Variants in CASP8 observed in about 807,000 individuals in gnomAD.
CASP8 encodes caspase 8.
Under a neutral mutation model 46.3 loss-of-function variants are expected in CASP8, and 24 were observed. The ratio of observed to expected loss-of-function variants is 0.52; its 90% CI spans 0.38 to 0.73. CASP8 has a LOEUF of 0.73. Ranked by LOEUF, CASP8 falls within the 30% of genes least tolerant of loss-of-function variation. CASP8 has a pLI of 0.00. For synonymous variants in CASP8, 188 were observed against 200.4 expected (o/e 0.94, Z 0.52); for missense variants, 460 against 559.0 (o/e 0.82, Z 1.79).
At chr2:201,237,152 A>T (rs1946088479) in intron 2 of CASP8, among the ~76,000 whole-genome samples, 1 of 134,698 alleles carries the variant, frequency 7.4e-6, no homozygotes, top group Non-Finnish European at 1.5e-5. Context: ...GTGCAGTGGC[A>T]CGTTCTTGGC....
At chr2:201,273,926 G>T (rs2125278834) in intron 5 of CASP8, among the ~76,000 whole-genome samples, 1 of 151,222 alleles carries the variant, frequency 6.6e-6, no homozygotes, top group East Asian at 2.0e-4. Context: ...CCACCTACCT[G>T]GGCCTCCCAA....
At chr2:201,241,851 T>A (rs1946312328) in intron 2 of CASP8, 1 of 152,176 alleles carries the variant, frequency 6.6e-6, no homozygotes, top group South Asian at 2.1e-4. Context: ...TGATCGTACA[T>A]CCTGACTGAG....
intron 1 of CASP8, chr2:201,261,860 C>T (rs916137289): frequency 1.3e-5 from 2 of 152,082 alleles, no homozygotes; most frequent in Admixed American, 6.5e-5. Context: ...TAGAATATTA[C>T]TGGAATGATT....
intron 1 of CASP8, 45 bp downstream of exon 1, chr2:201,260,658 G>A: frequency 1.4e-6 from 1 of 699,956 alleles, no homozygotes; most frequent in Non-Finnish European, 1.8e-6. Context: ...CCTTTTGGGA[G>A]GAAGGCCTTT....
chr2:201,272,692 A>T lies in CASP8; in HGVS notation c.466A>T (p.Lys156Ter). 1 of 1,614,134 alleles carries T rather than the reference A, an allele frequency of 6.2e-7. No individual in the cohort carries two copies. The highest frequency in any genetic ancestry group is 8.5e-7 in the Non-Finnish European group (1 of 1,179,964). Residue 156 changes from lysine (K) to a stop codon, truncating the protein, a stop_gained, in exon 4 of 9, where the codon AAG becomes TAG. Coordinates refer to ENST00000673742, the MANE Select transcript of CASP8 (RefSeq NM_001372051.1). LOFTEE classifies it high-confidence loss of function. The surrounding 1 kb of genome is among the most constrained non-coding windows in gnomAD (Gnocchi z 4.4). Reference protein sequence around the residue: ...MEKRVILGEGKLDILKRVCAQ... With the variant: ...MEKRVILGEG Reference sequence around the variant, plus strand: ...GAAGAGGGTCATCCTGGGAGAAGGAAAGTTGGACATCCTGAAAAGAGTCTG... The same window carrying T: ...GAAGAGGGTCATCCTGGGAGAAGGATAGTTGGACATCCTGAAAAGAGTCTG...
chr2:201,255,138 C>A (rs924701415), intron 2 of CASP8, among the ~76,000 whole-genome samples: 1 of 152,176 alleles, frequency 6.6e-6, no homozygotes, highest in African/African-American at 2.4e-5. Context: ...CGCTGGAGTG[C>A]AATGGTGTCA....
At chr2:201,286,115 G>A (rs1000980747) in intron 8 of CASP8, among the ~76,000 whole-genome samples, 2 of 152,204 alleles carry the variant, frequency 1.3e-5, no homozygotes, top group South Asian at 4.1e-4. Flanking sequence ...ATGTCAATTC[G>A]AGGCAGAGAG....
intron 7 of CASP8, among the ~76,000 whole-genome samples, chr2:201,283,153 T>C (rs1949239235): frequency 1.9e-5 from 1 of 53,704 alleles, no homozygotes; most frequent in African/African-American, 6.3e-5. Flanking sequence ...GCTCCTCACT[T>C]CCCAGTAGGG....
intron 2 of CASP8, chr2:201,269,375 G>T (rs1948072078): frequency 1.5e-6 from 1 of 655,540 alleles, no homozygotes; most frequent in South Asian, 1.6e-5. Flanking sequence ...AGATAGCTTT[G>T]GTTTACTAGC....
At chr2:201,250,244 G>A (rs1946719155) in intron 2 of CASP8, among the ~76,000 whole-genome samples, 2 of 152,236 alleles carry the variant, frequency 1.3e-5, no homozygotes, top group African/African-American at 4.8e-5. Context: ...TCAGGAGAAG[G>A]TCAGAAAACC....
chr2:201,251,574 A>C (rs1310817884), intron 2 of CASP8, among the ~76,000 whole-genome samples: 1 of 145,312 alleles, frequency 6.9e-6, no homozygotes, highest in Non-Finnish European at 1.5e-5. Flanking sequence ...CAGCCTGGGC[A>C]ATAGAGTGAG....
intron 1 of CASP8, among the ~76,000 whole-genome samples, chr2:201,233,818 G>A (rs1945924851): frequency 6.6e-6 from 1 of 152,148 alleles, no homozygotes; most frequent in Admixed American, 6.5e-5. Flanking sequence ...CCACCTCTCC[G>A]GACTGCTTTC....
chr2:201,277,060 G>A (rs1002477155), intron 7 of CASP8, 92 bp downstream of exon 7: 3 of 888,118 alleles, frequency 3.4e-6, no homozygotes, highest in Non-Finnish European at 5.5e-6. Flanking sequence ...ATACCAAAAG[G>A]GCCATGTTTC....
Position 201,276,967 on chromosome 2 carries a change from A to T in CASP8, c.801A>T (p.Ala267=), listed in dbSNP as rs2125321741. ...ACAGGAATGGAACACACTTGGATGC[A>T]GGTACAGTAGAACCCAAAAGAGAAA... ...IRDRNGTHLD[A]GALTTTFEEL... Residue 267 remains alanine (A), a splice_region_variant and synonymous_variant, in exon 7 of 9, where the codon GCA becomes GCT. Transcript: ENST00000673742. The T allele has an allele frequency of 6.2e-7, 1 of 1,608,674 alleles. No homozygotes were observed. Among genetic ancestry groups the T allele is most frequent in the Non-Finnish European group, 8.5e-7 (1 of 1,174,968 alleles).
At position 201,272,794 on chromosome 2, in the gene CASP8, G is replaced by A. The variant is rs2125256424; in HGVS notation, c.550+18G>A. On this transcript the variant is annotated intron_variant, in intron 4 of 8. Transcript: ENST00000673742. This position sits in a 1 kb window ranked among gnomAD's most constrained non-coding sequence, Gnocchi z 4.4. Reference sequence around the variant, plus strand: ...CAGCAAAGGTAGAAACAACCTGACAGCCGGGAATCGGCAAAACCTACTCTA... The same window carrying A: ...CAGCAAAGGTAGAAACAACCTGACAACCGGGAATCGGCAAAACCTACTCTA... 6.2e-7 allele frequency: 1 copy of A among 1,614,172 alleles called. No homozygotes were observed. Among genetic ancestry groups the A allele is most frequent in the Non-Finnish European group, 8.5e-7 (1 of 1,180,024 alleles).
chr2:201,239,043 G>A (rs1946180164), intron 2 of CASP8, among the ~76,000 whole-genome samples: 1 of 152,136 alleles, frequency 6.6e-6, no homozygotes, highest in Non-Finnish European at 1.5e-5. Flanking sequence ...ATTCAACCCT[G>A]AGTGGATACA....
At chr2:201,249,984 T>G (rs1163878846) in intron 2 of CASP8, among the ~76,000 whole-genome samples, 1 of 152,258 alleles carries the variant, frequency 6.6e-6, no homozygotes, top group African/African-American at 2.4e-5. Context: ...TTAAGTTTTA[T>G]GTGACATGGA....
chr2:201,258,115 C>A (rs1947114278), upstream of CASP8: 8 of 1,170,806 alleles, frequency 6.8e-6, no homozygotes, highest in South Asian at 9.9e-5. Context: ...CTCTCGGAGA[C>A]CAGATTCTGC....
At chr2:201,258,846 C>A (rs1260193374), upstream of CASP8, among the ~76,000 whole-genome samples, 2 of 152,204 alleles carry the variant, frequency 1.3e-5, no homozygotes, top group East Asian at 3.9e-4. Context: ...TATCTCTCCA[C>A]CCCCACCCTT....
Sources: gnomAD v4.1 joint callset for allele counts (sites outside exome capture counted in the v4.1 genomes callset) on GRCh38, gnomAD v4.1.1 for gene constraint, Gnocchi (gnomAD v3.1) non-coding constraint, MANE v1.5 for transcripts, NCBI Gene and HGNC (gene_info 2026-07-23, HGNC 2026-07-21) for gene names.